GLOD4: variants seen among roughly 807,000 people sequenced by gnomAD.
GLOD4 encodes glyoxalase domain-containing protein 4.
A neutral mutation model predicts 39.1 loss-of-function variants in GLOD4; 44 were observed. The observed-to-expected ratio is 1.13, with a 90% CI of 0.88 to 1.45. The LOEUF (loss-of-function observed/expected upper bound fraction) is 1.45. Ranked by LOEUF, GLOD4 falls within the 40% of genes most tolerant of loss-of-function variation. The pLI is 0.00. For missense variants in GLOD4, 405 were observed against 366.4 expected (o/e 1.11, Z -0.86); for synonymous variants, 145 against 135.0 (o/e 1.07, Z -0.52).
chr17:775,052 A>C (rs1908657458), intron 4 of GLOD4, among the ~76,000 whole-genome samples: 1 of 151,492 alleles, frequency 6.6e-6, no homozygotes, highest in South Asian at 2.1e-4. Context: ...CCTGGGCGAC[A>C]GAGCAAGACT....
intron 4 of GLOD4, among the ~76,000 whole-genome samples, chr17:774,452 A>C (rs1253650787): frequency 6.6e-6 from 1 of 152,244 alleles, no homozygotes; most frequent in Non-Finnish European, 1.5e-5. Flanking sequence ...TTGTCAGAGC[A>C]GGTAGCTGAA....
At chr17:767,553 G>GT (rs1906826863) in intron 8 of GLOD4, among the ~76,000 whole-genome samples, 2 of 147,082 alleles carry the variant, frequency 1.4e-5, no homozygotes, top group South Asian at 2.1e-4. Flanking sequence ...TGGAGAGGAC[G>GT]TAAGAGAGAG....
At chr17:782,373 G>A (rs1910144665), upstream of GLOD4, 6 of 1,613,468 alleles carry the variant, frequency 3.7e-6, no homozygotes, top group Non-Finnish European at 5.1e-6. Context: ...CCGGGTCTCA[G>A]GGAACATGGC....
intron 1 of GLOD4, among the ~76,000 whole-genome samples, chr17:779,607 C>A (rs1352326340): frequency 6.6e-6 from 1 of 151,216 alleles, no homozygotes; most frequent in African/African-American, 2.4e-5. Flanking sequence ...CATTACACTC[C>A]AGCCTGGGTG....
chr17:779,889 G>A (rs1036701617), intron 1 of GLOD4, among the ~76,000 whole-genome samples: 3 of 152,130 alleles, frequency 2.0e-5, no homozygotes, highest in African/African-American at 7.2e-5. Context: ...TATTGGCCGG[G>A]CGCGGTGGCT....
At chr17:782,056 ACCCT>A (rs763709829) in intron 1 of GLOD4, 106 bp downstream of exon 1, 1 of 730,126 alleles carries the variant, frequency 1.4e-6, no homozygotes, top group South Asian at 1.8e-5. Context: ...AAGGTCGGAC[ACCCT>A]CCGGCTTAGG....
In GLOD4 at chr17:759,795, C is replaced by T. The variant is rs1382355328; in HGVS notation, c.*378G>A. On this transcript the variant is annotated 3_prime_UTR_variant, in exon 9 of 9. Coordinates refer to ENST00000301329, the MANE Select transcript of GLOD4 (RefSeq NM_016080.4). ...ACGACAAGGCATTAATGTGGATTCA[C>T]TTGCACAGCTGCTCTCATAAAAGCT... The T allele has an allele frequency of 5.5e-6, 1 of 181,376 alleles. No homozygotes were observed. Among genetic ancestry groups the T allele is most frequent in the African/African-American group, 2.4e-5 (1 of 42,488 alleles). The allele number at this position is 181,376 out of a possible 1,614,324, so 11.2% of individuals were successfully genotyped here. A position where few individuals can be genotyped will look rare whatever the true frequency, so the allele number is the denominator to read the frequency against.
intron 4 of GLOD4, among the ~76,000 whole-genome samples, chr17:775,573 C>G (rs1474194749): frequency 6.6e-6 from 1 of 152,184 alleles, no homozygotes; most frequent in Non-Finnish European, 1.5e-5. Context: ...ACCAGTAGAA[C>G]AGAACTAGTC....
upstream of GLOD4, among the ~76,000 whole-genome samples, chr17:785,254 C>G (rs1910481215): frequency 6.6e-6 from 1 of 152,064 alleles, no homozygotes; most frequent in South Asian, 2.1e-4. Flanking sequence ...GTGATACACC[C>G]ATGTGAATAA....
At chr17:781,702 G>C (rs1351737473) in intron 1 of GLOD4, among the ~76,000 whole-genome samples, 1 of 152,194 alleles carries the variant, frequency 6.6e-6, no homozygotes, top group Admixed American at 6.5e-5. Context: ...GATGGGTTGA[G>C]AGTTGGAGCA....
intron 4 of GLOD4, among the ~76,000 whole-genome samples, chr17:772,721 C>G (rs918652678): frequency 6.6e-6 from 1 of 152,096 alleles, no homozygotes; most frequent in African/African-American, 2.4e-5. Context: ...TCAGGCCGGG[C>G]GCGGTGGCTC....
At chr17:783,319 G>C, upstream of GLOD4, 2 of 1,609,480 alleles carry the variant, frequency 1.2e-6, no homozygotes, top group Non-Finnish European at 1.7e-6. Context: ...ACGCCACAAG[G>C]AATAATGGGT....
In GLOD4 at chr17:769,923, T is replaced by G; in HGVS notation, c.777A>C (p.Glu259Asp). ...DGHEICFVGD[E>D]AFRELSKMDP... ...CCATCTTAGAAAGTTCTCGAAATGCTTCATCCCCGACAAAGCAAATTTCAT... is the reference window on the plus strand; with the variant it reads ...CCATCTTAGAAAGTTCTCGAAATGCGTCATCCCCGACAAAGCAAATTTCAT... The change falls in exon 8 of 9, where the codon GAA becomes GAC. Residue 259 changes from glutamate to aspartate, a missense_variant. Coordinates refer to ENST00000301329, the MANE Select transcript of GLOD4 (RefSeq NM_016080.4). 1 of 1,611,730 alleles carries G rather than the reference T, an allele frequency of 6.2e-7. No individual in the cohort carries two copies. The highest frequency in any genetic ancestry group is 8.5e-7 in the Non-Finnish European group (1 of 1,177,796).
chr17:782,749 G>T, upstream of GLOD4: 1 of 1,528,840 alleles, frequency 6.5e-7, no homozygotes, highest in Non-Finnish European at 8.8e-7. Context: ...TCGCACAGCG[G>T]AACCTTAACC....
In GLOD4 at chr17:776,872, A is replaced by C. The variant is rs905340262; in HGVS notation, c.257T>G (p.Phe86Cys). ...CTAGAAAAAAACGGTATTTACCATA[A>C]AGTCATTGCCAAGCTTGTAGTCTCC... is the stretch of plus-strand genomic sequence containing the variant. ...GVGDYKLGND[F>C]MGITLASSQA... Residue 86 changes from phenylalanine to cysteine, a missense_variant, in exon 3 of 9, where the codon TTT becomes TGT. Transcript: ENST00000301329. 1 of 1,613,150 alleles carries C rather than the reference A, an allele frequency of 6.2e-7. No homozygotes were observed. The highest frequency in any genetic ancestry group is 1.3e-5 in the African/African-American group (1 of 74,922).
chr17:781,965 T>C, intron 1 of GLOD4: 2 of 560,148 alleles, frequency 3.6e-6, no homozygotes, highest in South Asian at 2.4e-5. Context: ...CGGGGACTAA[T>C]CGTGTTAGGC....
At chr17:780,423 A>C (rs1395931188) in intron 1 of GLOD4, among the ~76,000 whole-genome samples, 1 of 152,190 alleles carries the variant, frequency 6.6e-6, no homozygotes. Flanking sequence ...CCTCAACTAA[A>C]GGCACATAAA....
upstream of GLOD4, chr17:782,437 A>G: frequency 6.2e-7 from 1 of 1,614,008 alleles, no homozygotes. Flanking sequence ...CAGGTGGTCC[A>G]GGCTTGGGAC....
upstream of GLOD4, chr17:782,641 A>T (rs1335043023): frequency 1.9e-6 from 3 of 1,613,520 alleles, no homozygotes; most frequent in Non-Finnish European, 2.5e-6. Context: ...AGCACCTGGG[A>T]AGAGTCTGGG....
Sources: allele counts gnomAD v4.1 joint callset (sites outside exome capture counted in the v4.1 genomes callset), GRCh38; gene constraint gnomAD v4.1.1; transcripts MANE v1.5; gene names NCBI Gene and HGNC (gene_info 2026-07-23, HGNC 2026-07-21).